CWC22: variants seen among roughly 807,000 people sequenced by gnomAD.
The protein encoded by CWC22 is pre-mRNA-splicing factor CWC22 homolog.
Under a neutral mutation model 117.2 loss-of-function variants are expected in CWC22, and 53 were observed. That is an observed-to-expected ratio of 0.45 (90% CI 0.36 to 0.57). The LOEUF is 0.57. Ranked by LOEUF, CWC22 falls within the 20% of genes least tolerant of loss-of-function variation. The pLI, the probability that CWC22 is intolerant of heterozygous loss-of-function variation, is 0.00. For missense variants in CWC22, 980 were observed against 1,068.8 expected, an observed-to-expected ratio of 0.92 and a Z score of 1.16; for synonymous variants, 360 against 355.6, an observed-to-expected ratio of 1.01 and a Z score of -0.14.
chr2:179,966,898 T>A (rs17778918), intron 11 of CWC22, among the ~76,000 whole-genome samples: 1 of 152,088 alleles, frequency 6.6e-6, no homozygotes, highest in African/African-American at 2.4e-5. Flanking sequence ...AGGAGACACA[T>A]AATGAAAGTT....
chr2:179,962,304 AG>A (rs1324018973), intron 13 of CWC22, among the ~76,000 whole-genome samples: 1 of 152,188 alleles, frequency 6.6e-6, no homozygotes, highest in East Asian at 1.9e-4. Flanking sequence ...TTTGTTCACA[AG>A]ATTTTCAAAA....
intron 2 of CWC22, among the ~76,000 whole-genome samples, chr2:179,992,301 A>G (rs1687587856): frequency 2.6e-5 from 4 of 152,200 alleles, no homozygotes; most frequent in Admixed American, 2.6e-4. Context: ...TCGAAAGCAG[A>G]TGGAATTACT....
intron 11 of CWC22, among the ~76,000 whole-genome samples, chr2:179,966,479 T>C (rs1686892702): frequency 6.6e-6 from 1 of 152,168 alleles, no homozygotes. Context: ...AGTAATGAGA[T>C]TTTTATTAAA....
chr2:179,996,831 T>TTAA (rs1553562092), intron 1 of CWC22, among the ~76,000 whole-genome samples: 4 of 148,712 alleles, frequency 2.7e-5, no homozygotes, highest in African/African-American at 9.8e-5. Flanking sequence ...TGTTAAAAGA[T>TTAA]AAAAAAAAAA....
At chr2:179,979,593 T>C (rs1052341560) in intron 5 of CWC22, among the ~76,000 whole-genome samples, 3 of 152,148 alleles carry the variant, frequency 2.0e-5, no homozygotes, top group African/African-American at 7.2e-5. Context: ...GAACGAGTAT[T>C]GTATCACTGA....
intron 13 of CWC22, among the ~76,000 whole-genome samples, chr2:179,963,937 A>T (rs1011124773): frequency 1.3e-5 from 2 of 152,216 alleles, no homozygotes; most frequent in Non-Finnish European, 2.9e-5. Context: ...AAACTACCAG[A>T]TGCACTAAGA....
intron 13 of CWC22, 62 bp downstream of exon 13, chr2:179,964,485 G>T: frequency 1.2e-6 from 1 of 835,088 alleles, no homozygotes; most frequent in Non-Finnish European, 1.9e-6. Context: ...ATGTATCCCT[G>T]ATCTCTTTAC....
rs1317808697 is a variant in CWC22 at position 179,952,563 on chromosome 2, A to T, written c.1725T>A (p.Thr575=). 6.6e-7 allele frequency: 1 copy of T among 1,517,364 alleles called. No individual in the cohort carries two copies. The highest frequency in any genetic ancestry group is 8.9e-7 in the Non-Finnish European group (1 of 1,120,546). 94.0% of individuals were successfully genotyped at this position (1,517,364 alleles called of 1,614,324 possible). Residue 575 remains threonine (T), a synonymous_variant, in exon 17 of 20, where the codon ACT becomes ACA. Transcript: ENST00000410053. ...LECIKLSEET[T]TSSSRIFVKI... ...TGACAAAAATTCTACTGGATGATGT[A>T]GTGGTTTCTTCACTCAGTTTTATAC...
At chr2:179,953,682 A>G (rs1686512041) in intron 16 of CWC22, among the ~76,000 whole-genome samples, 1 of 152,118 alleles carries the variant, frequency 6.6e-6, no homozygotes, top group Non-Finnish European at 1.5e-5. Context: ...TTTCCCTATC[A>G]AGAATATATC....
At chr2:180,004,665 A>G (rs1435451450) in intron 1 of CWC22, among the ~76,000 whole-genome samples, 2 of 152,040 alleles carry the variant, frequency 1.3e-5, no homozygotes, top group Non-Finnish European at 1.5e-5. Context: ...GAATGCAGGC[A>G]TGAGCCATCG....
In CWC22 at chr2:179,993,427, G is replaced by T; in HGVS notation, c.-86C>A. On this transcript the variant is annotated 5_prime_UTR_variant, in exon 2 of 20. The change creates a new upstream start codon in the 5' untranslated region. Transcript: ENST00000410053. Reference sequence around the variant, plus strand: ...ACCCAATGCTCTGAATTCCTTGACAGTTTACTTTTTCTGTCTGCAAACATC... The same window carrying T: ...ACCCAATGCTCTGAATTCCTTGACATTTTACTTTTTCTGTCTGCAAACATC... 2 of 957,386 alleles carry T rather than the reference G, an allele frequency of 2.1e-6. No homozygotes were observed. The highest frequency in any genetic ancestry group is 1.6e-6 in the Non-Finnish European group (1 of 612,378). The allele number at this position is 957,386 out of a possible 1,614,324, so 59.3% of individuals were successfully genotyped here.
chr2:179,960,188 G>T (rs1291857298), intron 13 of CWC22, among the ~76,000 whole-genome samples: 1 of 151,946 alleles, frequency 6.6e-6, no homozygotes, highest in South Asian at 2.1e-4. Context: ...GATAATAACT[G>T]TATATAATGA....
chr2:179,990,569 AGAG>A (rs1322919849), intron 2 of CWC22, among the ~76,000 whole-genome samples: 171 of 152,054 alleles, frequency 1.1e-3, no homozygotes, highest in Middle Eastern at 3.4e-3. Context: ...AGAGAGAGAG[AGAG>A]AGAGAGAAAG....
At position 179,980,513 on chromosome 2, in the gene CWC22, G is replaced by C. The variant is rs374704499; in HGVS notation, c.452+1239C>G. 1.1e-4 allele frequency among the ~76,000 whole-genome samples: 16 copies of C among 151,326 alleles called. No homozygotes were observed. The East Asian group carries it at 3.1e-3, about 30-fold the overall frequency. On this transcript the variant is annotated intron_variant, in intron 5 of 19. Transcript: ENST00000410053. ...GCTCACTGCAAGCTCCGCCTCCTGG[G>C]TTCATGCCATTCTTCTGCCTCAGCC...
intron 19 of CWC22, among the ~76,000 whole-genome samples, chr2:179,947,252 T>A (rs1362861085): frequency 6.6e-6 from 1 of 152,186 alleles, no homozygotes; most frequent in Non-Finnish European, 1.5e-5. Flanking sequence ...GGTTTGCCAC[T>A]AAGGACCTAT....
chr2:179,973,187 A>G lies in CWC22; in HGVS notation c.804+6T>C, dbSNP rs1363825848. On this transcript the variant is annotated splice_donor_region_variant and intron_variant, in intron 8 of 19. Transcript: ENST00000410053. ...ATGGGACCAAGTATTGAAGATAATT[A>G]CTTACCACATTTTGGTTAATAAGAT... The G allele has an allele frequency of 1.3e-6, 2 of 1,588,912 alleles. No homozygotes were observed. The highest frequency in any genetic ancestry group is 3.5e-5 in the Admixed American group (2 of 57,742).
chr2:179,986,780 G>A lies in CWC22; in HGVS notation c.121C>T (p.Arg41Trp), dbSNP rs375318426. The part of the protein sequence containing the change: ...DRYEEQERSP[R>W]DRDYFDYSRS... ...CTGTAATCAAAGTAATCTCTATCCC[G>A]GGGGGATCGTTCTTGTTCTTCATAT... The change falls in exon 4 of 20, where the codon CGG becomes TGG. Residue 41 changes from arginine to tryptophan, a missense_variant. Physicochemically the swap from Arg to Trp is moderately radical, Grantham distance 101 (BLOSUM62 -3). Transcript: ENST00000410053. 80 of 1,587,916 alleles carry A rather than the reference G, an allele frequency of 5.0e-5. No individual in the cohort carries two copies. The African/African-American group carries it at 6.9e-4, about 14-fold the overall frequency.
chr2:179,946,410 C>T (rs1384230366), intron 19 of CWC22, among the ~76,000 whole-genome samples: 8 of 134,336 alleles, frequency 6.0e-5, no homozygotes, highest in Admixed American at 8.4e-5. Flanking sequence ...AAGAATGCAC[C>T]GCTACACCCC....
intron 4 of CWC22, among the ~76,000 whole-genome samples, chr2:179,983,467 TATTCCATGGTGTATAAGTACGAC>T (rs1687335572): frequency 6.6e-6 from 1 of 152,206 alleles, no homozygotes; most frequent in Non-Finnish European, 1.5e-5. Flanking sequence ...GGCTGCATAG[TATTCCATGGTGTATAAGTACGAC>T]ATTTCCTTTA....
Sources: allele counts gnomAD v4.1 joint callset (sites outside exome capture counted in the v4.1 genomes callset), GRCh38; gene constraint gnomAD v4.1.1; transcripts MANE v1.5; gene names NCBI Gene and HGNC (gene_info 2026-07-23, HGNC 2026-07-21).